Variants in CACNA1S observed in about 807,000 individuals in gnomAD.
The protein encoded by CACNA1S is calcium voltage-gated channel subunit alpha1 S.
In CACNA1S, 126 loss-of-function variants were observed where a neutral mutation model predicts 207.4. The observed-to-expected ratio is 0.61, with a 90% confidence interval of 0.53 to 0.70. The LOEUF (loss-of-function observed/expected upper bound fraction) is 0.70. CACNA1S is among the 30% of genes least tolerant of loss of function. CACNA1S has a pLI of 0.00. For synonymous variants in CACNA1S, 960 were observed against 932.7 expected (o/e 1.03, Z -0.53); for missense variants, 2,349 against 2,422.8 (o/e 0.97, Z 0.64).
intron 10 of CACNA1S, among the ~76,000 whole-genome samples, chr1:201,081,169 G>A (rs35303915): frequency 0.24 from 36,382 of 152,074 alleles, 5,818 homozygotes; most frequent in Non-Finnish European, 0.37. Flanking sequence ...GCAGGTCCAG[G>A]GCCCTGTCTC....
At chr1:201,075,641 CGGGAACACAGAG>C in intron 12 of CACNA1S, 26 bp from the exon 13 acceptor site, 1 of 1,613,072 alleles carries the variant, frequency 6.2e-7, no homozygotes, top group Non-Finnish European at 8.5e-7. Flanking sequence ...ATAGAGGGCT[CGGGAACACAGAG>C]GGGCCTGAGA....
Position 201,091,841 on chromosome 1 carries a change from C to A in CACNA1S, c.542-49G>T, listed in dbSNP as rs780878275. On this transcript the variant is annotated intron_variant, in intron 4 of 43. Transcript: ENST00000362061. ...AAAAGAGGAGTCGCCTCTGCTTGGT[C>A]TCTTGGCCCTCCCTCCCTATAAATC... 1.4e-5 allele frequency: 23 copies of A among 1,596,454 alleles called. No homozygotes were observed. In the East Asian group the frequency reaches 5.2e-4, roughly 36 times the overall value.
intron 10 of CACNA1S, among the ~76,000 whole-genome samples, chr1:201,078,490 A>G (rs1223684464): frequency 1.5e-4 from 21 of 142,944 alleles, no homozygotes; most frequent in African/African-American, 4.2e-4. Flanking sequence ...GTGAGCCACT[A>G]TGCCCAGCGA....
At chr1:201,055,367 G>A (rs904479701) in intron 28 of CACNA1S, among the ~76,000 whole-genome samples, 2 of 152,154 alleles carry the variant, frequency 1.3e-5, no homozygotes, top group Non-Finnish European at 2.9e-5. Flanking sequence ...TGAAGAACTC[G>A]AAAAACACAT....
chr1:201,048,725 C>A, intron 35 of CACNA1S, 41 bp from the exon 36 acceptor site: 1 of 1,565,478 alleles, frequency 6.4e-7, no homozygotes. Context: ...GAGCTGGGAC[C>A]AGGCCAAGCT....
chr1:201,065,810 G>T, intron 22 of CACNA1S, 28 bp downstream of exon 22: 4 of 1,531,756 alleles, frequency 2.6e-6, no homozygotes, highest in Non-Finnish European at 3.6e-6. Flanking sequence ...AGCGGGAGGG[G>T]GAGCTGCTCG....
intron 27 of CACNA1S, 28 bp from the exon 28 acceptor site, chr1:201,058,519 G>T: frequency 6.4e-7 from 1 of 1,561,380 alleles, no homozygotes; most frequent in Non-Finnish European, 8.8e-7. Flanking sequence ...GGGAAAGCGA[G>T]GGGGTGAGCT....
intron 2 of CACNA1S, among the ~76,000 whole-genome samples, chr1:201,096,481 G>C (rs1662438788): frequency 6.6e-6 from 1 of 152,184 alleles, no homozygotes; most frequent in Non-Finnish European, 1.5e-5. Context: ...GCTCTGGACT[G>C]GATGCCCTGG....
intron 12 of CACNA1S, 70 bp downstream of exon 12, chr1:201,076,850 T>C: frequency 7.0e-7 from 1 of 1,423,554 alleles, no homozygotes; most frequent in Non-Finnish European, 9.9e-7. Context: ...ATGCCCACCT[T>C]GATCTTGAAG....
chr1:201,075,141 C>T (rs768124411), intron 13 of CACNA1S, among the ~76,000 whole-genome samples: 20 of 152,210 alleles, frequency 1.3e-4, no homozygotes, highest in Non-Finnish European at 2.6e-4. Flanking sequence ...GTCCTGGTGG[C>T]TCCCTGCCTG....
At chr1:201,049,370 A>G (rs918303937) in intron 34 of CACNA1S, among the ~76,000 whole-genome samples, 2 of 152,114 alleles carry the variant, frequency 1.3e-5, no homozygotes, top group South Asian at 2.1e-4. Context: ...TGGAATCCAG[A>G]CCTCATTTTC....
rs572703130 is a variant in CACNA1S at position 201,103,819 on chromosome 1, A to T, written c.258+6345T>A. Among the ~76,000 whole-genome samples the T allele has an allele frequency of 7.2e-5, 11 of 152,152 alleles. 1 individual carries two copies. In the East Asian group the frequency reaches 2.1e-3, roughly 29 times the overall value. On this transcript the variant is annotated intron_variant, in intron 2 of 43. Coordinates refer to ENST00000362061, the MANE Select transcript of CACNA1S (RefSeq NM_000069.3). ...CATTCCAGACCCTATAAAAAGACAA[A>T]CGCCCTGGCTGCCAGAGGCTTAGGC...
chr1:201,065,533 G>A (rs1483149027), intron 22 of CACNA1S, among the ~76,000 whole-genome samples: 1 of 152,190 alleles, frequency 6.6e-6, no homozygotes, highest in Non-Finnish European at 1.5e-5. Flanking sequence ...TTTCAACTCA[G>A]TAGACACATG....
At chr1:201,109,237 C>CT in intron 2 of CACNA1S, among the ~76,000 whole-genome samples, 1 of 121,628 alleles carries the variant, frequency 8.2e-6, no homozygotes, top group East Asian at 3.4e-4. Flanking sequence ...GAGTGAGACT[C>CT]TGTCTCAAAA....
intron 7 of CACNA1S, among the ~76,000 whole-genome samples, chr1:201,086,654 G>T (rs1037900315): frequency 6.6e-6 from 1 of 152,244 alleles, no homozygotes; most frequent in African/African-American, 2.4e-5. Flanking sequence ...GCCCGTCATT[G>T]ACTGAAATGT....
rs1210343743 is a variant in CACNA1S at position 201,053,985 on chromosome 1, C to T, written c.3667-398G>A. Among the ~76,000 whole-genome samples, 1 of 152,198 alleles carries T rather than the reference C, an allele frequency of 6.6e-6. No individual in the cohort carries two copies. The highest frequency in any genetic ancestry group is 6.5e-5 in the Admixed American group (1 of 15,290). ...CTCCTAGGGCTCCTCCCCTGGCGTC[C>T]TCCCAGTGCAAAGATTTCCCAAAGC... is the stretch of plus-strand genomic sequence containing the variant. On this transcript the variant is annotated intron_variant, in intron 29 of 43. Coordinates refer to ENST00000362061, the MANE Select transcript of CACNA1S (RefSeq NM_000069.3). The surrounding 1 kb of genome is among the most constrained non-coding windows in gnomAD (Gnocchi z 5.1).
chr1:201,098,907 C>T (rs754622962), intron 2 of CACNA1S, among the ~76,000 whole-genome samples: 2 of 152,204 alleles, frequency 1.3e-5, no homozygotes, highest in Non-Finnish European at 2.9e-5. Flanking sequence ...CTGGTGCTCC[C>T]TGGGGCCAAA....
At chr1:201,103,960 A>T (rs1349849535) in intron 2 of CACNA1S, among the ~76,000 whole-genome samples, 2 of 152,158 alleles carry the variant, frequency 1.3e-5, no homozygotes, top group East Asian at 3.9e-4. Context: ...GGAGGGGCCA[A>T]ATGGGCAGCC....
intron 40 of CACNA1S, chr1:201,042,028 G>T (rs1660249663): frequency 3.6e-6 from 1 of 279,876 alleles, no homozygotes; most frequent in African/African-American, 2.2e-5. Flanking sequence ...GCACAGCCAA[G>T]GCTGAGAACC....
Sources: allele counts gnomAD v4.1 joint callset (sites outside exome capture counted in the v4.1 genomes callset), GRCh38; gene constraint gnomAD v4.1.1; non-coding constraint Gnocchi (gnomAD v3.1); transcripts MANE v1.5; gene names NCBI Gene and HGNC (gene_info 2026-07-23, HGNC 2026-07-21).